SGCZ: variants seen among roughly 807,000 people sequenced by gnomAD.
SGCZ encodes zeta-sarcoglycan.
SGCZ carries 40 observed loss-of-function variants against 41.3 expected under a neutral mutation model. The ratio of observed to expected loss-of-function variants is 0.97; its 90% CI spans 0.75 to 1.26. The LOEUF is 1.26. Among genes scored for constraint, SGCZ ranks in the 50% most tolerant of loss-of-function variants. The pLI is 0.00. For missense variants in SGCZ, 552 were observed against 369.8 expected (o/e 1.49, Z -4.04); for synonymous variants, 206 against 137.5 (o/e 1.50, Z -3.49).
intron 1 of SGCZ, among the ~76,000 whole-genome samples, chr8:15,115,674 T>C (rs1261628365): frequency 1.3e-5 from 2 of 152,168 alleles, no homozygotes; most frequent in African/African-American, 2.4e-5. Flanking sequence ...AGAAAATAAT[T>C]CTTAATATGT....
At chr8:14,877,448 C>T (rs1402054568) in intron 1 of SGCZ, among the ~76,000 whole-genome samples, 1 of 152,072 alleles carries the variant, frequency 6.6e-6, no homozygotes, top group Non-Finnish European at 1.5e-5. Flanking sequence ...TATTGAAAAT[C>T]CAACTGCTTC....
intron 1 of SGCZ, among the ~76,000 whole-genome samples, chr8:14,683,299 G>A (rs1209783947): frequency 1.3e-5 from 2 of 152,062 alleles, no homozygotes; most frequent in African/African-American, 4.8e-5. Context: ...AAGAAAGTAT[G>A]ACAGATGTTT....
At chr8:14,428,807 A>G (rs1053820691) in intron 2 of SGCZ, among the ~76,000 whole-genome samples, 1 of 152,204 alleles carries the variant, frequency 6.6e-6, no homozygotes, top group South Asian at 2.1e-4. Flanking sequence ...TTTCCTGCAC[A>G]TGGATATAAG....
At chr8:14,781,523 C>T (rs1291308816) in intron 1 of SGCZ, among the ~76,000 whole-genome samples, 1 of 152,052 alleles carries the variant, frequency 6.6e-6, no homozygotes, top group Non-Finnish European at 1.5e-5. Flanking sequence ...GCCACCACGC[C>T]CAGACTAAAA....
intron 4 of SGCZ, among the ~76,000 whole-genome samples, chr8:14,200,420 G>C (rs750205957): frequency 2.0e-5 from 3 of 152,006 alleles, no homozygotes; most frequent in Non-Finnish European, 2.9e-5. Context: ...TTATAAAGAA[G>C]AACATTGGAC....
chr8:14,342,854 AT>A (rs1802758678), intron 2 of SGCZ, among the ~76,000 whole-genome samples: 1 of 152,218 alleles, frequency 6.6e-6, no homozygotes, highest in Non-Finnish European at 1.5e-5. Flanking sequence ...TCTCCAGGCC[AT>A]GACAGCGACC....
Position 15,151,487 on chromosome 8 carries a change from G to A in SGCZ, c.39+86098C>T, listed in dbSNP as rs1028104523. Among the ~76,000 whole-genome samples the A allele has an allele frequency of 2.6e-5, 4 of 152,288 alleles. No homozygotes were observed. The East Asian group carries it at 7.7e-4, about 29-fold the overall frequency. On this transcript the variant is annotated intron_variant, in intron 1 of 7. Transcript: ENST00000382080. ...GTGAAAAGTTGGAAAATATAACATT[G>A]AAAATGAATGAGGTTGAAAATGTGA...
intron 1 of SGCZ, among the ~76,000 whole-genome samples, chr8:14,894,345 C>A (rs1279115032): frequency 1.3e-5 from 2 of 152,114 alleles, no homozygotes; most frequent in Non-Finnish European, 2.9e-5. Context: ...TAAAGCACAT[C>A]TGTCATTAGA....
intron 2 of SGCZ, among the ~76,000 whole-genome samples, chr8:14,403,907 C>T (rs1799143168): frequency 6.6e-6 from 1 of 152,006 alleles, no homozygotes; most frequent in Admixed American, 6.6e-5. Flanking sequence ...ACAAGAAAGT[C>T]TAGGTTTCAA....
At chr8:14,631,182 C>A (rs1012286193) in intron 1 of SGCZ, among the ~76,000 whole-genome samples, 2 of 152,016 alleles carry the variant, frequency 1.3e-5, no homozygotes, top group African/African-American at 4.8e-5. Flanking sequence ...TTATTTACCA[C>A]TGGGATCCTC....
intron 3 of SGCZ, among the ~76,000 whole-genome samples, chr8:14,249,167 T>C (rs1032664517): frequency 2.6e-5 from 4 of 152,226 alleles, no homozygotes; most frequent in Admixed American, 1.3e-4. Flanking sequence ...TGGACCTAAA[T>C]AGAATAACAA....
intron 2 of SGCZ, among the ~76,000 whole-genome samples, chr8:14,504,619 T>A (rs1036634406): frequency 9.2e-5 from 14 of 152,348 alleles, no homozygotes; most frequent in African/African-American, 2.9e-4. Context: ...TGTTCTTTTA[T>A]CTTTTTATTT....
intron 4 of SGCZ, among the ~76,000 whole-genome samples, chr8:14,224,526 G>A (rs913777299): frequency 6.6e-6 from 1 of 152,156 alleles, no homozygotes; most frequent in Admixed American, 6.5e-5. Flanking sequence ...TATATATTAT[G>A]CAACTTTGTG....
chr8:14,780,318 T>A (rs1205700652), intron 1 of SGCZ, among the ~76,000 whole-genome samples: 3 of 143,988 alleles, frequency 2.1e-5, no homozygotes, highest in African/African-American at 5.2e-5. Context: ...GAGCTTGCAG[T>A]GAGCTGAGAT....
chr8:15,180,570 C>G (rs1350877609), intron 1 of SGCZ, among the ~76,000 whole-genome samples: 2 of 150,040 alleles, frequency 1.3e-5, no homozygotes, highest in East Asian at 2.0e-4. Flanking sequence ...AGCACTGATA[C>G]AAAGAACAAG....
intron 2 of SGCZ, among the ~76,000 whole-genome samples, chr8:14,398,183 G>C (rs981258660): frequency 1.3e-5 from 2 of 152,142 alleles, no homozygotes; most frequent in African/African-American, 4.8e-5. Context: ...TGATAGACCT[G>C]AATTCAGCTA....
chr8:14,323,084 C>A (rs1198122189), intron 3 of SGCZ, among the ~76,000 whole-genome samples: 1 of 151,836 alleles, frequency 6.6e-6, no homozygotes, highest in Non-Finnish European at 1.5e-5. Context: ...AGAGTAGAGT[C>A]AATACAGTAT....
chr8:15,139,170 T>C (rs960542065), intron 1 of SGCZ, among the ~76,000 whole-genome samples: 7 of 152,322 alleles, frequency 4.6e-5, no homozygotes, highest in African/African-American at 1.2e-4. Flanking sequence ...CTAAATATTA[T>C]CAGAGAATAA....
chr8:14,853,684 G>C (rs1468148110), intron 1 of SGCZ, among the ~76,000 whole-genome samples: 1 of 152,112 alleles, frequency 6.6e-6, no homozygotes, highest in African/African-American at 2.4e-5. Context: ...TGACAACGCT[G>C]AGAAATTAGT....
Sources: gnomAD v4.1 joint callset for allele counts (sites outside exome capture counted in the v4.1 genomes callset) on GRCh38, gnomAD v4.1.1 for gene constraint, MANE v1.5 for transcripts, NCBI Gene and HGNC (gene_info 2026-07-23, HGNC 2026-07-21) for gene names.